Variants in DENND4C observed in about 807,000 individuals in gnomAD.
DENND4C encodes the protein DENN domain-containing protein 4C.
In DENND4C, 108 loss-of-function variants were observed where a neutral mutation model predicts 203.0. That is an observed-to-expected ratio of 0.53 (90% CI 0.46 to 0.62). The LOEUF (loss-of-function observed/expected upper bound fraction) is 0.62. Ranked by LOEUF, DENND4C falls within the 20% of genes least tolerant of loss-of-function variation. The pLI is 0.00. For missense variants in DENND4C, 2,481 were observed against 2,301.2 expected, an observed-to-expected ratio of 1.08 and a Z score of -1.60; for synonymous variants, 871 against 792.4, an observed-to-expected ratio of 1.10 and a Z score of -1.67.
At chr9:19,269,750 C>T (rs540009251) in intron 1 of DENND4C, among the ~76,000 whole-genome samples, 2 of 152,246 alleles carry the variant, frequency 1.3e-5, no homozygotes, top group African/African-American at 4.8e-5. Flanking sequence ...CAGGATTGGT[C>T]ACTGGTGCCT....
At chr9:19,359,883 T>C (rs1826112973) in intron 28 of DENND4C, among the ~76,000 whole-genome samples, 3 of 152,194 alleles carry the variant, frequency 2.0e-5, no homozygotes, top group Admixed American at 6.5e-5. Flanking sequence ...TTTAGAGTTG[T>C]AGGAGGAAGA....
intron 1 of DENND4C, among the ~76,000 whole-genome samples, chr9:19,261,151 G>C (rs561552018): frequency 3.3e-5 from 5 of 152,076 alleles, no homozygotes; most frequent in East Asian, 3.9e-4. Flanking sequence ...TACCACCTTT[G>C]TCAAAAATAA....
chr9:19,343,326 C>G (rs546316445), intron 22 of DENND4C, among the ~76,000 whole-genome samples: 78 of 152,230 alleles, frequency 5.1e-4, no homozygotes, highest in Non-Finnish European at 9.9e-4. Context: ...TTTGAGTTTT[C>G]TACTTTCATT....
intron 8 of DENND4C, 118 bp downstream of exon 8, chr9:19,299,405 T>A: frequency 4.2e-6 from 3 of 717,366 alleles, no homozygotes; most frequent in Non-Finnish European, 6.1e-6. Context: ...ATTAACTTTA[T>A]TAGTTAAAAC....
chr9:19,300,790 T>C (rs1417791990), intron 9 of DENND4C, among the ~76,000 whole-genome samples: 1 of 152,220 alleles, frequency 6.6e-6, no homozygotes, highest in African/African-American at 2.4e-5. Context: ...GAGGCTTAGC[T>C]CTTGTGTAAA....
chr9:19,260,692 C>G (rs1262888369), intron 1 of DENND4C, among the ~76,000 whole-genome samples: 1 of 152,140 alleles, frequency 6.6e-6, no homozygotes, highest in African/African-American at 2.4e-5. Flanking sequence ...CAACCATGCT[C>G]GGCCTATGTT....
In DENND4C at chr9:19,316,451, C is replaced by T. The variant is rs751571215; in HGVS notation, c.1522C>T (p.Leu508Phe). 29 of 1,613,800 alleles carry T rather than the reference C, an allele frequency of 1.8e-5. No homozygotes were observed. Among genetic ancestry groups the T allele is most frequent in the Non-Finnish European group, 2.5e-5 (29 of 1,179,932 alleles). ...DEKKNMNWKQ[L>F]PKKPCKNLLS... ...AAAGAAGAACATGAACTGGAAGCAACTTCCCAAAAAGCCGTGCAAAAATCT... is the reference window on the plus strand; with the variant it reads ...AAAGAAGAACATGAACTGGAAGCAATTTCCCAAAAAGCCGTGCAAAAATCT... Residue 508 changes from leucine (L) to phenylalanine (F), a missense_variant, in exon 11 of 33, where the codon CTT (leucine) becomes TTT (phenylalanine). Around this residue, in one of 3 missense-constraint regions of DENND4C, gnomAD observed 2,289 missense variants for 2,113.3 expected, o/e 1.08. Coordinates refer to ENST00000434457, the MANE Select transcript of DENND4C (RefSeq NM_001330640.2).
rs1161201166 is a variant in DENND4C at position 19,341,073 on chromosome 9, C to A, written c.2963C>A (p.Ala988Glu). 1.9e-6 allele frequency: 3 copies of A among 1,612,766 alleles called. No individual in the cohort carries two copies. In the Admixed American group the frequency reaches 5.0e-5, roughly 27 times the overall value. ...DAEIHVPEEQ[A>E]ARELITKTKM... ...GAAATTCATGTGCCTGAAGAACAGG[C>A]AGCAAGAGAATTGATAACTAAAACA... The change falls in exon 21 of 33, where the codon GCA (alanine) becomes GAA (glutamate). Residue 988 changes from alanine (A) to glutamate (E), a missense_variant. Ala to Glu is a moderately radical substitution (Grantham distance 107). Around this residue, in one of 3 missense-constraint regions of DENND4C, gnomAD observed 2,289 missense variants for 2,113.3 expected, o/e 1.08. Transcript: ENST00000434457.
At chr9:19,275,013 G>T (rs1283451010) in intron 1 of DENND4C, among the ~76,000 whole-genome samples, 2 of 152,178 alleles carry the variant, frequency 1.3e-5, no homozygotes, top group Non-Finnish European at 2.9e-5. Context: ...GTCTTGCTCT[G>T]TTGTCCAGGC....
intron 2 of DENND4C, among the ~76,000 whole-genome samples, chr9:19,281,778 C>G (rs1834091791): frequency 6.6e-6 from 1 of 152,204 alleles, no homozygotes; most frequent in Non-Finnish European, 1.5e-5. Flanking sequence ...GCATAGCTTA[C>G]TACATATACA....
intron 15 of DENND4C, among the ~76,000 whole-genome samples, chr9:19,326,486 G>GT (rs1433702585): frequency 1.3e-5 from 2 of 152,058 alleles, no homozygotes; most frequent in South Asian, 4.1e-4. Flanking sequence ...CCCTTTGGGA[G>GT]TTTCATTTTG....
At chr9:19,301,317 T>A (rs531295388) in intron 9 of DENND4C, among the ~76,000 whole-genome samples, 4 of 152,334 alleles carry the variant, frequency 2.6e-5, no homozygotes, top group African/African-American at 9.6e-5. Flanking sequence ...TCTCTTCTCT[T>A]CCCTTCCCCA....
At chr9:19,300,423 A>C (rs1838320164) in intron 9 of DENND4C, 92 bp downstream of exon 9, 3 of 1,226,204 alleles carry the variant, frequency 2.4e-6, no homozygotes, top group Non-Finnish European at 3.2e-6. Flanking sequence ...CTTTGTAAAC[A>C]ACAACAAATT....
intron 21 of DENND4C, among the ~76,000 whole-genome samples, chr9:19,341,566 T>G (rs1792873477): frequency 6.6e-6 from 1 of 151,864 alleles, no homozygotes; most frequent in African/African-American, 2.4e-5. Context: ...TGCCTCAGCC[T>G]CCCAAAGTGC....
intron 1 of DENND4C, among the ~76,000 whole-genome samples, chr9:19,240,424 C>G (rs1430365970): frequency 2.0e-5 from 3 of 151,972 alleles, no homozygotes; most frequent in African/African-American, 7.3e-5. Flanking sequence ...TCCCAGCACT[C>G]TGGGAGGCTG....
At chr9:19,295,764 G>C (rs1398615962) in intron 5 of DENND4C, among the ~76,000 whole-genome samples, 19 of 152,030 alleles carry the variant, frequency 1.2e-4, no homozygotes, top group Non-Finnish European at 2.8e-4. Flanking sequence ...GTTGTAAGAG[G>C]TTACCATCCA....
chr9:19,346,158 C>T lies in DENND4C; in HGVS notation c.3389C>T (p.Thr1130Ile), dbSNP rs752472820. ...ATGGGAGCAGATGCCAAGATTCTCA[C>T]AGCAGCATTGACATGTCCTAAGACT... ...IMMGADAKILTAALTCPKTSL... is the reference protein window; with the variant it reads ...IMMGADAKILIAALTCPKTSL... The change falls in exon 23 of 33, where the codon ACA (threonine) becomes ATA (isoleucine). Residue 1130 changes from threonine (T) to isoleucine (I), a missense_variant. Thr to Ile is a moderately conservative substitution (Grantham distance 89, BLOSUM62 -1). This residue lies in a region of DENND4C where 2,289 missense variants were observed against 2,113.3 expected (regional missense o/e 1.08). Coordinates refer to ENST00000434457, the MANE Select transcript of DENND4C (RefSeq NM_001330640.2). The T allele has an allele frequency of 6.2e-7, 1 of 1,614,108 alleles. No homozygotes were observed. Among genetic ancestry groups the T allele is most frequent in the Admixed American group, 1.7e-5 (1 of 60,002 alleles).
chr9:19,231,493 G>A (rs1820545042), intron 1 of DENND4C, among the ~76,000 whole-genome samples: 1 of 151,962 alleles, frequency 6.6e-6, no homozygotes, highest in Admixed American at 6.5e-5. Context: ...TCCTAAGGCT[G>A]ACTCCTGTAA....
At chr9:19,252,338 C>T (rs1438640892) in intron 1 of DENND4C, among the ~76,000 whole-genome samples, 1 of 152,118 alleles carries the variant, frequency 6.6e-6, no homozygotes, top group Non-Finnish European at 1.5e-5. Flanking sequence ...CCAGGTTCCT[C>T]CCATGACATG....
Sources: gnomAD v4.1 joint callset for allele counts (sites outside exome capture counted in the v4.1 genomes callset) on GRCh38, gnomAD v4.1.1 for gene constraint, gnomAD v4.1.1 regional missense constraint, MANE v1.5 for transcripts, NCBI Gene and HGNC (gene_info 2026-07-23, HGNC 2026-07-21) for gene names.